Variants in CSNK2A2IP observed in about 807,000 individuals in gnomAD.
CSNK2A2IP encodes the protein casein kinase 2 subunit alpha' interacting protein, also known as casein kinase II subunit alpha'-interacting protein.
the CSNK2A2IP span, among the ~76,000 whole-genome samples, chr3:88,404,133 G>A: frequency 2.0e-5 from 3 of 151,988 alleles, no homozygotes; most frequent in Admixed American, 2.0e-4. Flanking sequence ...AGGAGGGATG[G>A]TTTAGAATGT....
At chr3:88,390,063 C>T in the CSNK2A2IP span, among the ~76,000 whole-genome samples, 4,929 of 151,976 alleles carry the variant, frequency 0.032, 190 homozygotes, top group African/African-American at 0.094. Flanking sequence ...TGAAGGTGGA[C>T]GGGACTTTAG....
the CSNK2A2IP span, among the ~76,000 whole-genome samples, chr3:88,421,201 G>A: frequency 2.1e-4 from 32 of 152,072 alleles, 1 homozygote; most frequent in Admixed American, 7.9e-4. Context: ...TAATCATTGA[G>A]AGAAGGCACT....
the CSNK2A2IP span, among the ~76,000 whole-genome samples, chr3:88,401,064 A>G: frequency 6.6e-6 from 1 of 152,158 alleles, no homozygotes; most frequent in Non-Finnish European, 1.5e-5. Flanking sequence ...ATTTTTTATG[A>G]CAAAAAATGA....
chr3:88,349,911 G>T, the CSNK2A2IP span, among the ~76,000 whole-genome samples: 1 of 151,932 alleles, frequency 6.6e-6, no homozygotes, highest in Non-Finnish European at 1.5e-5. Flanking sequence ...GCAGAAAATG[G>T]CAATTTCAGT....
At chr3:88,393,846 G>A in the CSNK2A2IP span, among the ~76,000 whole-genome samples, 1 of 152,290 alleles carries the variant, frequency 6.6e-6, no homozygotes, top group African/African-American at 2.4e-5. Flanking sequence ...AAGGTTATTA[G>A]TGAATAAGAA....
chr3:88,368,115 T>C, the CSNK2A2IP span, among the ~76,000 whole-genome samples: 1 of 152,010 alleles, frequency 6.6e-6, no homozygotes, highest in Non-Finnish European at 1.5e-5. Context: ...TTTGAAGGAA[T>C]TCTATTCTAA....
the CSNK2A2IP span, chr3:88,465,793 G>A: frequency 6.3e-4 from 770 of 1,231,630 alleles, 3 homozygotes; most frequent in African/African-American, 0.011. Flanking sequence ...GCTCAATCAA[G>A]CAGCCCTGAG....
At chr3:88,400,460 A>C in the CSNK2A2IP span, among the ~76,000 whole-genome samples, 1 of 152,210 alleles carries the variant, frequency 6.6e-6, no homozygotes, top group South Asian at 2.1e-4. Context: ...GTATATTATC[A>C]TACATGGCAA....
At chr3:88,405,271 A>G in the CSNK2A2IP span, among the ~76,000 whole-genome samples, 1 of 152,098 alleles carries the variant, frequency 6.6e-6, no homozygotes, top group Non-Finnish European at 1.5e-5. Flanking sequence ...ATATGTCCTG[A>G]ATAATTTTTT....
the CSNK2A2IP span, among the ~76,000 whole-genome samples, chr3:88,420,765 C>T: frequency 6.6e-5 from 10 of 151,862 alleles, no homozygotes; most frequent in East Asian, 1.9e-4. Flanking sequence ...TATAAGTATA[C>T]GACAGCTAGG....
At chr3:88,368,894 T>G in the CSNK2A2IP span, among the ~76,000 whole-genome samples, 1 of 151,994 alleles carries the variant, frequency 6.6e-6, no homozygotes, top group Non-Finnish European at 1.5e-5. Flanking sequence ...GGGGAGGAAC[T>G]TTCTCACAAG....
chr3:88,418,485 C>G, the CSNK2A2IP span, among the ~76,000 whole-genome samples: 5 of 146,974 alleles, frequency 3.4e-5, no homozygotes, highest in Admixed American at 1.4e-4. Flanking sequence ...TGTGTTCTCT[C>G]TTGTGGGTGT....
the CSNK2A2IP span, among the ~76,000 whole-genome samples, chr3:88,458,761 G>A: frequency 1.5e-4 from 23 of 152,028 alleles, no homozygotes; most frequent in East Asian, 7.7e-4. Flanking sequence ...TTGATACACC[G>A]TATAAAATGT....
At chr3:88,448,717 C>T in the CSNK2A2IP span, among the ~76,000 whole-genome samples, 1 of 152,202 alleles carries the variant, frequency 6.6e-6, no homozygotes, top group Non-Finnish European at 1.5e-5. Flanking sequence ...TGTTAGTCTA[C>T]TCACAGCGAA....
At chr3:88,395,805 C>T in the CSNK2A2IP span, among the ~76,000 whole-genome samples, 1 of 152,258 alleles carries the variant, frequency 6.6e-6, no homozygotes, top group East Asian at 1.9e-4. Context: ...TTTCAATGTA[C>T]ATGTCTTTCA....
chr3:88,354,632 C>T, the CSNK2A2IP span, among the ~76,000 whole-genome samples: 2 of 152,158 alleles, frequency 1.3e-5, no homozygotes, highest in Non-Finnish European at 2.9e-5. Flanking sequence ...TCCACCATGG[C>T]TTGGAAGTAG....
chr3:88,384,392 A>C, the CSNK2A2IP span, among the ~76,000 whole-genome samples: 43 of 152,006 alleles, frequency 2.8e-4, no homozygotes, highest in African/African-American at 9.7e-4. Flanking sequence ...AAAAACAAAA[A>C]ACACTAGCCA....
the CSNK2A2IP span, among the ~76,000 whole-genome samples, chr3:88,435,499 A>G: frequency 6.6e-5 from 10 of 152,264 alleles, no homozygotes; most frequent in South Asian, 4.1e-4. Flanking sequence ...GTTATCTATC[A>G]ACCAAACTGA....
At chr3:88,437,274 C>G in the CSNK2A2IP span, among the ~76,000 whole-genome samples, 1 of 152,172 alleles carries the variant, frequency 6.6e-6, no homozygotes, top group Non-Finnish European at 1.5e-5. Flanking sequence ...CTTCCACAGT[C>G]TCAACCTACA....
Sources: allele counts gnomAD v4.1 joint callset (sites outside exome capture counted in the v4.1 genomes callset), GRCh38; gene constraint gnomAD v4.1.1; transcripts MANE v1.5; gene names NCBI Gene and HGNC (gene_info 2026-07-23, HGNC 2026-07-21).